WNK3: variants seen among roughly 807,000 people sequenced by gnomAD.
The protein encoded by WNK3 is WNK lysine deficient protein kinase 3.
Under a neutral mutation model 116.7 loss-of-function variants are expected in WNK3, and 18 were observed. That is an observed-to-expected ratio of 0.15 (90% confidence interval 0.11 to 0.23). The LOEUF is 0.23. Among genes scored for constraint, WNK3 ranks in the 10% least tolerant of loss-of-function variants. The pLI is 1.00. For missense variants in WNK3, 993 were observed against 1,323.8 expected (o/e 0.75, Z 3.88); for synonymous variants, 404 against 469.4 (o/e 0.86, Z 1.80).
chrX:54,358,341 C>G (rs1159483158), upstream of WNK3, among the ~76,000 whole-genome samples: 2 of 69,361 alleles, frequency 2.9e-5, no homozygotes, highest in Admixed American at 2.1e-4. Flanking sequence ...AGCTGCTCTA[C>G]CCTCTCCCCT....
rs781919110 is a variant in WNK3, at chrX:54,342,123, C to T, written c.-119-8331G>A. Among the ~76,000 whole-genome samples, 12 of 110,299 alleles carry T rather than the reference C, an allele frequency of 1.1e-4. No homozygotes were observed. In the South Asian group the frequency reaches 4.7e-3, roughly 43 times the overall value. ...AAAAAACAAAATTAAAAAAAATAAG[C>T]TGGGCACGGTGGTCCACGCCTATAG... On this transcript the variant is annotated intron_variant, in intron 1 of 23. Transcript: ENST00000354646.
chrX:54,347,004 G>C (rs1246735921), intron 1 of WNK3, among the ~76,000 whole-genome samples: 1 of 111,916 alleles, frequency 8.9e-6, no homozygotes, highest in Non-Finnish European at 1.9e-5. Flanking sequence ...ATATGCTCCA[G>C]TGACCAGGAT....
At chrX:54,291,695 TGCATCTG>T (rs1217731531) in intron 10 of WNK3, among the ~76,000 whole-genome samples, 5 of 112,167 alleles carry the variant, frequency 4.5e-5, no homozygotes, top group African/African-American at 1.6e-4. Context: ...AGATTTTAAA[TGCATCTG>T]GCATTTGTCA....
intron 22 of WNK3, among the ~76,000 whole-genome samples, chrX:54,219,669 CAAAAA>C (rs34431672): frequency 3.9e-4 from 6 of 15,191 alleles, no homozygotes; most frequent in African/African-American, 9.1e-4. Context: ...CTCCATCTCC[CAAAAA>C]AAAAAAAAAA....
At chrX:54,204,148 C>A (rs1347748374) in intron 22 of WNK3, among the ~76,000 whole-genome samples, 8 of 111,295 alleles carry the variant, frequency 7.2e-5, no homozygotes, top group Non-Finnish European at 1.3e-4. Flanking sequence ...GAGACAGAGT[C>A]TCGCTTTGTC....
rs1426504599 is a variant in WNK3 at position 54,237,289 on chromosome X, C to G, written c.4277G>C (p.Cys1426Ser). Residue 1426 changes from cysteine to serine, a missense_variant, in exon 20 of 24, where the codon TGT (cysteine) becomes TCT (serine). By Grantham distance (112) the Cys-to-Ser change is moderately radical. Transcript: ENST00000354646. Reference sequence around the variant, plus strand: ...GGTCACTGAAGATACATCAGTCTCACAAGCTGCGCTGAAAGATAAGAAGTT... The same window carrying G: ...GGTCACTGAAGATACATCAGTCTCAGAAGCTGCGCTGAAAGATAAGAAGTT... The G allele has an allele frequency of 5.0e-6, 6 of 1,210,850 alleles. No homozygotes were observed. Among genetic ancestry groups the G allele is most frequent in the Non-Finnish European group, 6.7e-6 (6 of 895,513 alleles).
At chrX:54,311,148 A>T (rs1557169594) in exon 3 of WNK3, 1 of 1,178,408 alleles carries the variant, frequency 8.5e-7, no homozygotes. Context: ...TCATTAGTTC[A>T]GTCACTAATA....
intron 2 of WNK3, among the ~76,000 whole-genome samples, chrX:54,324,015 A>G (rs1210377653): frequency 8.9e-6 from 1 of 112,360 alleles, no homozygotes; most frequent in African/African-American, 3.2e-5. Context: ...GTCTCTCTAG[A>G]CTAAAATCAA....
At chrX:54,228,082 T>C (rs1266208884) in intron 22 of WNK3, among the ~76,000 whole-genome samples, 3 of 110,476 alleles carry the variant, frequency 2.7e-5, no homozygotes, top group Non-Finnish European at 5.7e-5. Context: ...GGTCTCACTT[T>C]GTTGCCCAGG....
intron 10 of WNK3, among the ~76,000 whole-genome samples, chrX:54,281,446 T>C (rs964101660): frequency 4.5e-5 from 5 of 111,386 alleles, no homozygotes; most frequent in Non-Finnish European, 9.4e-5. Flanking sequence ...ATTGCACCCC[T>C]GCACTCCAGC....
chrX:54,264,048 T>A (rs1248279353), intron 10 of WNK3, among the ~76,000 whole-genome samples: 2 of 106,986 alleles, frequency 1.9e-5, no homozygotes, highest in Admixed American at 2.0e-4. Flanking sequence ...TTAAAAAAAA[T>A]TTGGGCCAGG....
chrX:54,276,371 G>C (rs2147045480), intron 10 of WNK3, among the ~76,000 whole-genome samples: 1 of 110,477 alleles, frequency 9.1e-6, no homozygotes, highest in East Asian at 2.8e-4. Context: ...ACAAATTACT[G>C]CGTTAAAAGG....
intron 10 of WNK3, among the ~76,000 whole-genome samples, chrX:54,282,192 C>T (rs1456393034): frequency 9.2e-6 from 1 of 109,068 alleles, no homozygotes; most frequent in Non-Finnish European, 1.9e-5. Context: ...GGGTACATGC[C>T]ACCACACCTA....
intron 12 of WNK3, 151 bp from the exon 13 acceptor site, chrX:54,254,226 A>C: frequency 1.8e-5 from 7 of 396,884 alleles, no homozygotes; most frequent in African/African-American, 4.9e-5. Context: ...TACCATCTAA[A>C]CAGCCATTCT....
chrX:54,331,704 G>T (rs112674181), intron 2 of WNK3, among the ~76,000 whole-genome samples: 1,199 of 111,362 alleles, frequency 0.011, 13 homozygotes, highest in African/African-American at 0.038. Flanking sequence ...TTTAAAAATT[G>T]CAGTCTTGCA....
chrX:54,246,273 T>C (rs1557152663), intron 17 of WNK3, among the ~76,000 whole-genome samples: 1 of 110,999 alleles, frequency 9.0e-6, no homozygotes, highest in Non-Finnish European at 1.9e-5. Context: ...TAAGAAAGAT[T>C]TAAAAAATCA....
intron 22 of WNK3, among the ~76,000 whole-genome samples, chrX:54,210,358 C>T (rs1434803306): frequency 2.7e-5 from 3 of 112,395 alleles, no homozygotes; most frequent in African/African-American, 6.5e-5. Context: ...TAGTGGCTCA[C>T]GCCTGTAATC....
intron 10 of WNK3, among the ~76,000 whole-genome samples, chrX:54,275,483 T>G (rs2068436557): frequency 1.2e-5 from 1 of 81,325 alleles, no homozygotes; most frequent in Non-Finnish European, 2.3e-5. Context: ...ATGGATACCT[T>G]AGAGCAACCA....
At chrX:54,253,618 A>G (rs1311355052) in intron 13 of WNK3, among the ~76,000 whole-genome samples, 1 of 111,968 alleles carries the variant, frequency 8.9e-6, no homozygotes, top group Non-Finnish European at 1.9e-5. Flanking sequence ...CAAACTATTG[A>G]TGCTTGGGCC....
Sources: gnomAD v4.1 joint callset for allele counts (sites outside exome capture counted in the v4.1 genomes callset) on GRCh38, gnomAD v4.1.1 for gene constraint, MANE v1.5 for transcripts, NCBI Gene and HGNC (gene_info 2026-07-23, HGNC 2026-07-21) for gene names.